The following PFKFB3 variants were observed in gnomAD, a reference collection of about 807,000 sequenced individuals.
The protein encoded by PFKFB3 is 6-phosphofructo-2-kinase/fructose-2,6-biphosphatase 3, also known as 6-phosphofructo-2-kinase/fructose-2,6-bisphosphatase 3.
In PFKFB3, 33 loss-of-function variants were observed where a neutral mutation model predicts 68.0. The ratio of observed to expected loss-of-function variants is 0.49; its 90% CI spans 0.37 to 0.65. The LOEUF (loss-of-function observed/expected upper bound fraction) is 0.65, where lower values mean the gene tolerates loss of function less well. Among genes scored for constraint, PFKFB3 ranks in the 30% least tolerant of loss-of-function variants. PFKFB3 has a pLI of 0.00. For synonymous variants in PFKFB3, 315 were observed against 288.2 expected, an observed-to-expected ratio of 1.09 and a Z score of -0.94; for missense variants, 586 against 712.2, an observed-to-expected ratio of 0.82 and a Z score of 2.02.
chr10:6,178,528 C>G (rs1346341982), intron 1 of PFKFB3, among the ~76,000 whole-genome samples: 38 of 151,458 alleles, frequency 2.5e-4, no homozygotes, highest in Non-Finnish European at 1.0e-4. Context: ...AGGGTCACAA[C>G]AGGGAGGTGA....
chr10:6,252,320 A>AT lies in PFKFB3; in HGVS notation c.1516-1851dup, dbSNP rs568189638. ...ACTTTCTCTGTAAGTTTCCTTTGCG[A>AT]TTTTTTTCTTTTGATGTAGTTTGGG... On this transcript the variant is annotated intron_variant, in intron 14 of 14. Coordinates refer to the PFKFB3 transcript ENST00000640683. 2.6e-5 allele frequency among the ~76,000 whole-genome samples: 4 copies of AT among 152,158 alleles called. No homozygotes were observed. In the South Asian group the frequency reaches 6.2e-4, roughly 24 times the overall value.
At chr10:6,303,546 G>A in the PFKFB3 span, among the ~76,000 whole-genome samples, 1 of 152,172 alleles carries the variant, frequency 6.6e-6, no homozygotes. Context: ...CGGGCACGGT[G>A]GCTCACGCCT....
chr10:6,217,430 A>G (rs946074616), intron 6 of PFKFB3, among the ~76,000 whole-genome samples: 8 of 152,184 alleles, frequency 5.3e-5, no homozygotes, highest in African/African-American at 1.9e-4. Flanking sequence ...GGGACGTAGG[A>G]AATAATTCAG....
chr10:6,177,589 G>A (rs1453768638), intron 1 of PFKFB3, among the ~76,000 whole-genome samples: 25 of 147,344 alleles, frequency 1.7e-4, no homozygotes, highest in African/African-American at 5.8e-4. Context: ...GCAATGGTGC[G>A]ATCTCGGCTC....
At chr10:6,318,206 GC>G in the PFKFB3 span, among the ~76,000 whole-genome samples, 1 of 152,134 alleles carries the variant, frequency 6.6e-6, no homozygotes, top group Non-Finnish European at 1.5e-5. Context: ...AGGACCCCTT[GC>G]CCATCCATGC....
At chr10:6,314,009 C>T in the PFKFB3 span, among the ~76,000 whole-genome samples, 3 of 152,190 alleles carry the variant, frequency 2.0e-5, no homozygotes, top group Non-Finnish European at 4.4e-5. Flanking sequence ...AGGAATGGGA[C>T]GCGAAATCCA....
At chr10:6,231,008 G>A (rs995307013) in intron 14 of PFKFB3, among the ~76,000 whole-genome samples, 2 of 151,984 alleles carry the variant, frequency 1.3e-5, no homozygotes, top group Admixed American at 6.6e-5. Context: ...GAGCCACCAC[G>A]CCCAGCCTAG....
chr10:6,224,606 G>A (rs532242912), intron 13 of PFKFB3: 26 of 398,668 alleles, frequency 6.5e-5, no homozygotes, highest in Admixed American at 1.3e-4. Context: ...TCAGCCTCCC[G>A]CGTAGCTGAG....
In PFKFB3 at chr10:6,173,353, G is replaced by A. The variant is rs1842367061; in HGVS notation, c.16+28340G>A. On this transcript the variant is annotated intron_variant, in intron 1 of 14. Coordinates refer to the PFKFB3 transcript ENST00000379789. The stretch of plus-strand genomic sequence containing the variant: ...AGTGGTGTGCTTTCAGCCTGGAGGG[G>A]GCGCTCAGGAAGAGGTTGTCCACTT... Among the ~76,000 whole-genome samples, 4 of 152,280 alleles carry A rather than the reference G, an allele frequency of 2.6e-5. No homozygotes were observed. The South Asian group carries it at 8.3e-4, about 32-fold the overall frequency.
chr10:6,178,196 C>G (rs555812876), intron 1 of PFKFB3, among the ~76,000 whole-genome samples: 1 of 152,306 alleles, frequency 6.6e-6, no homozygotes, highest in South Asian at 2.1e-4. Context: ...TGCCCAGCGT[C>G]TCTGCCCCAG....
chr10:6,283,066 A>G, the PFKFB3 span, among the ~76,000 whole-genome samples: 2 of 152,192 alleles, frequency 1.3e-5, no homozygotes, highest in South Asian at 2.1e-4. Context: ...CCCAGGTTCA[A>G]GCGATTCTCC....
In PFKFB3 at chr10:6,224,000, A is replaced by G. The variant is rs1298087063; in HGVS notation, c.1256A>G (p.Lys419Arg). The stretch of plus-strand genomic sequence containing the variant: ...AAATGCCCTCTTCACACCGTCCTGA[A>G]ACTGACGCCTGTCGCTTATGGTGAG... ...YLKCPLHTVL[K>R]LTPVAYGCRV... Residue 419 changes from lysine to arginine, a missense_variant, in exon 12 of 15, where the codon AAA (lysine) becomes AGA (arginine). Coordinates refer to ENST00000379775, the MANE Select transcript of PFKFB3 (RefSeq NM_004566.4). 6.2e-7 allele frequency: 1 copy of G among 1,614,164 alleles called. No homozygotes were observed. The highest frequency in any genetic ancestry group is 8.5e-7 in the Non-Finnish European group (1 of 1,180,020).
At chr10:6,244,404 A>G (rs1846208811) in intron 14 of PFKFB3, among the ~76,000 whole-genome samples, 1 of 152,178 alleles carries the variant, frequency 6.6e-6, no homozygotes, top group Non-Finnish European at 1.5e-5. Flanking sequence ...TGGAGGGACC[A>G]TGGTCTTTCT....
chr10:6,274,186 C>T, the PFKFB3 span, among the ~76,000 whole-genome samples: 3 of 151,292 alleles, frequency 2.0e-5, no homozygotes, highest in South Asian at 2.1e-4. Context: ...GGTGACAGAG[C>T]GAGATCCTAT....
chr10:6,162,595 A>T (rs767891635), intron 1 of PFKFB3, among the ~76,000 whole-genome samples: 2 of 152,206 alleles, frequency 1.3e-5, no homozygotes, highest in Admixed American at 6.5e-5. Flanking sequence ...CATCATTATT[A>T]ATAGTAGTAA....
intron 1 of PFKFB3, among the ~76,000 whole-genome samples, chr10:6,174,196 G>T (rs913477647): frequency 2.0e-5 from 3 of 152,114 alleles, no homozygotes; most frequent in African/African-American, 7.2e-5. Context: ...TAACGGGCTT[G>T]GATCTCTTGT....
chr10:6,205,874 T>G (rs1282190946), intron 1 of PFKFB3, among the ~76,000 whole-genome samples: 2 of 152,038 alleles, frequency 1.3e-5, no homozygotes, highest in African/African-American at 4.8e-5. Context: ...CATAGCTCAC[T>G]GTAACCACCA....
At position 6,235,236 on chromosome 10, in the gene PFKFB3, T is replaced by C. The variant is rs962134138; in HGVS notation, c.*2294T>C. On this transcript the variant is annotated 3_prime_UTR_variant, in exon 15 of 15. Coordinates refer to ENST00000379775, the MANE Select transcript of PFKFB3 (RefSeq NM_004566.4). ...AAACTGTTTGGAACCACACCAATGA[T>C]ATTTTTCTTTGTAATACTTGAAATT... 1 of 152,820 alleles carries C rather than the reference T, an allele frequency of 6.5e-6. No individual in the cohort carries two copies. Among genetic ancestry groups the C allele is most frequent in the Non-Finnish European group, 1.5e-5 (1 of 68,046 alleles). The allele number at this position is 152,820 out of a possible 1,614,324, so 9.5% of individuals were successfully genotyped here. A position where few individuals can be genotyped will look rare whatever the true frequency, so the allele number is the denominator to read the frequency against.
chr10:6,300,174 C>T, the PFKFB3 span, among the ~76,000 whole-genome samples: 12 of 151,784 alleles, frequency 7.9e-5, no homozygotes, highest in South Asian at 2.1e-3. Context: ...GCGAGTCACT[C>T]CAGGGCAGCA....
Sources: gnomAD v4.1 joint callset for allele counts (sites outside exome capture counted in the v4.1 genomes callset) on GRCh38, gnomAD v4.1.1 for gene constraint, MANE v1.5 for transcripts, NCBI Gene and HGNC (gene_info 2026-07-23, HGNC 2026-07-21) for gene names.